ROBO2: variants seen among roughly 807,000 people sequenced by gnomAD.
The protein encoded by ROBO2 is roundabout guidance receptor 2.
A neutral mutation model predicts 160.8 loss-of-function variants in ROBO2; 53 were observed. The ratio of observed to expected loss-of-function variants is 0.33; its 90% CI spans 0.26 to 0.41. The LOEUF is 0.41. ROBO2 is among the 10% of genes least tolerant of loss of function. The pLI, the probability that ROBO2 is intolerant of heterozygous loss-of-function variation, is 1.00. For missense variants in ROBO2, 1,577 were observed against 1,722.4 expected, an observed-to-expected ratio of 0.92 and a Z score of 1.49; for synonymous variants, 664 against 611.7, an observed-to-expected ratio of 1.09 and a Z score of -1.26.
intron 2 of ROBO2, among the ~76,000 whole-genome samples, chr3:76,131,714 C>G (rs779505750): frequency 6.6e-6 from 1 of 152,054 alleles, no homozygotes; most frequent in South Asian, 2.1e-4. Flanking sequence ...ACTACTGATA[C>G]GTTTTCTTTG....
chr3:77,382,768 AG>A (rs2153489067), intron 2 of ROBO2, among the ~76,000 whole-genome samples: 1 of 152,338 alleles, frequency 6.6e-6, no homozygotes, highest in South Asian at 2.1e-4. Flanking sequence ...CTTATGGCTG[AG>A]TAGTATTCCA....
At chr3:75,926,578 G>A (rs1286721917) in intron 1 of ROBO2, among the ~76,000 whole-genome samples, 1 of 152,106 alleles carries the variant, frequency 6.6e-6, no homozygotes. Context: ...TAGAATTCAT[G>A]TGCTCAGGTA....
intron 2 of ROBO2, among the ~76,000 whole-genome samples, chr3:76,117,917 G>A (rs2070547401): frequency 6.6e-6 from 1 of 151,960 alleles, no homozygotes; most frequent in South Asian, 2.1e-4. Context: ...CTGGAAGAAA[G>A]GTAGCAAGAA....
chr3:76,985,454 T>C (rs1259065611), intron 2 of ROBO2, among the ~76,000 whole-genome samples: 3 of 150,710 alleles, frequency 2.0e-5, no homozygotes, highest in East Asian at 2.0e-4. Context: ...TGGTGGCAGG[T>C]GCCTGTAGTC....
chr3:76,167,554 C>T (rs547464438), intron 2 of ROBO2, among the ~76,000 whole-genome samples: 1 of 152,284 alleles, frequency 6.6e-6, no homozygotes, highest in Admixed American at 6.5e-5. Context: ...ATGCTTACTT[C>T]TCTGCCCTTC....
At chr3:77,297,053 C>A (rs1244075730) in intron 2 of ROBO2, among the ~76,000 whole-genome samples, 2 of 150,304 alleles carry the variant, frequency 1.3e-5, no homozygotes, top group African/African-American at 4.9e-5. Context: ...TTTTTTTAGT[C>A]TGGAGTTATC....
At chr3:76,475,117 A>G (rs1383638879) in intron 2 of ROBO2, among the ~76,000 whole-genome samples, 8 of 151,726 alleles carry the variant, frequency 5.3e-5, no homozygotes, top group African/African-American at 1.9e-4. Flanking sequence ...GCACGGGGGA[A>G]AAAAAGGGGG....
chr3:77,307,765 C>T (rs1257722859), intron 2 of ROBO2, among the ~76,000 whole-genome samples: 1 of 152,076 alleles, frequency 6.6e-6, no homozygotes, highest in Non-Finnish European at 1.5e-5. Flanking sequence ...CGCCTGTAAT[C>T]CCAGCTACTC....
intron 2 of ROBO2, among the ~76,000 whole-genome samples, chr3:76,458,925 A>G (rs1050584751): frequency 4.6e-5 from 7 of 152,116 alleles, no homozygotes; most frequent in South Asian, 2.1e-4. Flanking sequence ...ATTCTGGGAG[A>G]TACAATTCAA....
chr3:77,473,632 AT>A (rs1236522286), intron 2 of ROBO2, among the ~76,000 whole-genome samples: 2 of 150,558 alleles, frequency 1.3e-5, no homozygotes, highest in Non-Finnish European at 3.0e-5. Context: ...TTTTTTTGGT[AT>A]TTTTAGTACA....
chr3:76,208,205 G>T (rs1189618370), intron 2 of ROBO2, among the ~76,000 whole-genome samples: 1 of 152,054 alleles, frequency 6.6e-6, no homozygotes, highest in Non-Finnish European at 1.5e-5. Context: ...CCAGTCTCAG[G>T]TATTTCCTTA....
At chr3:77,038,671 C>T (rs1484400332), upstream of ROBO2, among the ~76,000 whole-genome samples, 7 of 152,128 alleles carry the variant, frequency 4.6e-5, no homozygotes, top group East Asian at 1.2e-3. Flanking sequence ...AAGCATCAAA[C>T]GGCTACCAGC....
At chr3:76,210,382 A>G (rs528706942) in intron 2 of ROBO2, among the ~76,000 whole-genome samples, 5 of 152,198 alleles carry the variant, frequency 3.3e-5, no homozygotes, top group East Asian at 3.9e-4. Flanking sequence ...TATTATACAC[A>G]CAGCATTTTA....
intron 2 of ROBO2, among the ~76,000 whole-genome samples, chr3:76,023,106 C>T (rs961229534): frequency 6.6e-5 from 10 of 151,678 alleles, no homozygotes; most frequent in Non-Finnish European, 1.5e-4. Context: ...AATTTTTCTT[C>T]TTCATCTCTC....
chr3:76,327,876 GA>G (rs896111797), intron 2 of ROBO2, among the ~76,000 whole-genome samples: 180 of 147,848 alleles, frequency 1.2e-3, no homozygotes, highest in South Asian at 2.1e-3. Flanking sequence ...AGAAGAATGT[GA>G]AAAAAAAAAG....
chr3:76,197,764 C>T (rs1167205236), intron 2 of ROBO2, among the ~76,000 whole-genome samples: 4 of 151,898 alleles, frequency 2.6e-5, no homozygotes, highest in Non-Finnish European at 5.9e-5. Context: ...AGTGAATGGC[C>T]GAAATAGAAT....
intron 2 of ROBO2, among the ~76,000 whole-genome samples, chr3:76,554,963 G>C (rs2083618542): frequency 6.6e-6 from 1 of 151,756 alleles, no homozygotes; most frequent in Admixed American, 6.6e-5. Flanking sequence ...TGATGTTGAT[G>C]CTTGCACAAC....
At chr3:76,649,511 T>C (rs527674088) in intron 2 of ROBO2, among the ~76,000 whole-genome samples, 1 of 152,236 alleles carries the variant, frequency 6.6e-6, no homozygotes, top group Admixed American at 6.5e-5. Context: ...AACTGGTTTA[T>C]AACTCAACTT....
chr3:76,298,731 C>A (rs1031078257), intron 2 of ROBO2, among the ~76,000 whole-genome samples: 3 of 152,142 alleles, frequency 2.0e-5, no homozygotes, highest in Admixed American at 6.6e-5. Context: ...AATAACTTAA[C>A]CAAGATTCCG....
Sources: gnomAD v4.1 joint callset for allele counts (sites outside exome capture counted in the v4.1 genomes callset) on GRCh38, gnomAD v4.1.1 for gene constraint, MANE v1.5 for transcripts, NCBI Gene and HGNC (gene_info 2026-07-23, HGNC 2026-07-21) for gene names.